Variants in ACTR3 observed in about 807,000 individuals in gnomAD.
ACTR3 encodes the protein actin-related protein 3.
Under a neutral mutation model 56.8 loss-of-function variants are expected in ACTR3, and 12 were observed. The ratio of observed to expected loss-of-function variants is 0.21; its 90% CI spans 0.14 to 0.34. ACTR3 has a LOEUF of 0.34. Among genes scored for constraint, ACTR3 ranks in the 10% least tolerant of loss-of-function variants. The pLI, the probability that ACTR3 is intolerant of heterozygous loss-of-function variation, is 1.00. For missense variants in ACTR3, 282 were observed against 512.5 expected, an observed-to-expected ratio of 0.55 and a Z score of 4.34; for synonymous variants, 162 against 167.4, an observed-to-expected ratio of 0.97 and a Z score of 0.25.
At chr2:113,890,044 G>C, upstream of ACTR3, 1 of 596,166 alleles carries the variant, frequency 1.7e-6, no homozygotes, top group Non-Finnish European at 3.0e-6. Context: ...GAGAGAGGGG[G>C]AGGAGGCCGC....
chr2:113,895,530 C>G (rs1324133671), intron 1 of ACTR3, among the ~76,000 whole-genome samples: 1 of 152,186 alleles, frequency 6.6e-6, no homozygotes, highest in Non-Finnish European at 1.5e-5. Flanking sequence ...AAGGGTTGGA[C>G]TATGAATATT....
intron 10 of ACTR3, chr2:113,952,660 C>T (rs956227408): frequency 6.6e-6 from 1 of 152,008 alleles, no homozygotes; most frequent in Non-Finnish European, 1.5e-5. Context: ...TTGTCAGTGC[C>T]TATATTTTGA....
rs71297189 is a variant in ACTR3 at position 113,912,184 on chromosome 2, AT to A, written c.45-977del. On this transcript the variant is annotated intron_variant, in intron 1 of 11. Transcript: ENST00000263238. ...AGCCACCACGTCAGGCCCCCAGCAG[AT>A]TTTTTTTTTTCATTTTATCTTAGAA... 2.0e-3 allele frequency among the ~76,000 whole-genome samples: 302 copies of A among 148,764 alleles called. 1 individual carries two copies. The highest frequency in any genetic ancestry group is 4.5e-3 in the Admixed American group (67 of 14,872).
intron 8 of ACTR3, among the ~76,000 whole-genome samples, chr2:113,944,833 A>C (rs1176975064): frequency 6.6e-6 from 1 of 152,150 alleles, no homozygotes; most frequent in African/African-American, 2.4e-5. Flanking sequence ...GAGGGTGACT[A>C]GTGAGTACAT....
intron 3 of ACTR3, among the ~76,000 whole-genome samples, chr2:113,926,181 C>A (rs763410540): frequency 2.6e-5 from 4 of 152,140 alleles, no homozygotes; most frequent in Non-Finnish European, 4.4e-5. Flanking sequence ...TGTTTTATAT[C>A]GATGTTATTT....
At chr2:113,895,796 C>G (rs534535710) in intron 1 of ACTR3, among the ~76,000 whole-genome samples, 3 of 152,176 alleles carry the variant, frequency 2.0e-5, no homozygotes, top group Non-Finnish European at 4.4e-5. Context: ...ACTTTATACA[C>G]TTCAACCTCT....
chr2:113,924,006 T>C (rs1679570015), intron 3 of ACTR3, among the ~76,000 whole-genome samples: 1 of 151,898 alleles, frequency 6.6e-6, no homozygotes, highest in Non-Finnish European at 1.5e-5. Context: ...ATCTGGTCCA[T>C]CCTAACTTCA....
intron 1 of ACTR3, among the ~76,000 whole-genome samples, chr2:113,891,076 T>G (rs753141554): frequency 3.7e-4 from 57 of 152,208 alleles, no homozygotes; most frequent in Non-Finnish European, 6.8e-4. Flanking sequence ...GCTTTCAGTC[T>G]TTTATACCCT....
At position 113,958,598 on chromosome 2, in the gene ACTR3, A is replaced by G. The variant is rs558341459; in HGVS notation, c.*1143A>G. 6 of 129,644 alleles carry G rather than the reference A, an allele frequency of 4.6e-5. No homozygotes were observed. The highest frequency in any genetic ancestry group is 2.5e-4 in the African/African-American group (6 of 23,570). 8.0% of individuals were successfully genotyped at this position (129,644 alleles called of 1,614,324 possible). A position where few individuals can be genotyped will look rare whatever the true frequency, so the allele number is the denominator to read the frequency against. ...AAATTAAAACTGAATTACCTTTTCT[A>G]ATGTTTTTTTTTTTTAAGTAATGTA... On this transcript the variant is annotated 3_prime_UTR_variant, in exon 12 of 12. Transcript: ENST00000263238.
chr2:113,928,314 A>G (rs2104606465), intron 4 of ACTR3, among the ~76,000 whole-genome samples: 1 of 152,354 alleles, frequency 6.6e-6, no homozygotes, highest in South Asian at 2.1e-4. Flanking sequence ...TAATTGCTTC[A>G]TGACGTCTAT....
chr2:113,917,003 A>G lies in ACTR3; in HGVS notation c.220A>G (p.Thr74Ala). The change falls in exon 3 of 12, where the codon ACA (threonine) becomes GCA (alanine). Residue 74 changes from threonine to alanine, a missense_variant. Transcript: ENST00000263238. ...AGCAATAGAAAAACCTACATATGCA[A>G]CAAAGGTATGTTTTTATGATTTGTA... ...DEAIEKPTYA[T>A]KWPIRHGIVE... 2 of 1,600,656 alleles carry G rather than the reference A, an allele frequency of 1.2e-6. No homozygotes were observed. Among genetic ancestry groups the G allele is most frequent in the Non-Finnish European group, 1.7e-6 (2 of 1,174,532 alleles).
chr2:113,901,280 C>T (rs778648274), intron 1 of ACTR3, among the ~76,000 whole-genome samples: 10 of 152,212 alleles, frequency 6.6e-5, no homozygotes, highest in Admixed American at 2.0e-4. Flanking sequence ...ATCGCTTGAA[C>T]CTGGGAGGCA....
intron 3 of ACTR3, among the ~76,000 whole-genome samples, chr2:113,920,424 A>G (rs1473439250): frequency 2.0e-5 from 3 of 152,216 alleles, no homozygotes; most frequent in South Asian, 2.1e-4. Context: ...TGATATTTTG[A>G]TATGTACAGT....
At chr2:113,933,462 C>T (rs1028531999) in intron 5 of ACTR3, among the ~76,000 whole-genome samples, 6 of 151,924 alleles carry the variant, frequency 3.9e-5, no homozygotes, top group African/African-American at 7.2e-5. Context: ...GAGCCGAGAT[C>T]GTGCCACTGC....
chr2:113,929,666 T>A (rs1423868263), intron 4 of ACTR3, among the ~76,000 whole-genome samples: 2 of 151,976 alleles, frequency 1.3e-5, no homozygotes, highest in African/African-American at 2.4e-5. Context: ...TATTCAAGAT[T>A]TGGCTTATCA....
At chr2:113,945,835 C>T (rs1480607940) in intron 8 of ACTR3, among the ~76,000 whole-genome samples, 1 of 152,096 alleles carries the variant, frequency 6.6e-6, no homozygotes, top group African/African-American at 2.4e-5. Context: ...TGTTGTTTCC[C>T]TCCGTATGTA....
chr2:113,930,605 C>T (rs1679701854), intron 4 of ACTR3, among the ~76,000 whole-genome samples: 1 of 152,116 alleles, frequency 6.6e-6, no homozygotes, highest in South Asian at 2.1e-4. Flanking sequence ...AAAATTGAAA[C>T]AGTTTAAGTG....
chr2:113,921,410 C>A (rs1213862438), intron 3 of ACTR3, among the ~76,000 whole-genome samples: 1 of 151,290 alleles, frequency 6.6e-6, no homozygotes, highest in Admixed American at 6.6e-5. Flanking sequence ...GGCATTTTGA[C>A]CCATTCCATA....
intron 1 of ACTR3, among the ~76,000 whole-genome samples, chr2:113,909,737 G>C (rs1461412839): frequency 1.3e-5 from 2 of 151,848 alleles, no homozygotes; most frequent in African/African-American, 4.8e-5. Flanking sequence ...TTAGAGCTGG[G>C]TTTATGTAAG....
Sources: allele counts gnomAD v4.1 joint callset (sites outside exome capture counted in the v4.1 genomes callset), GRCh38; gene constraint gnomAD v4.1.1; transcripts MANE v1.5; gene names NCBI Gene and HGNC (gene_info 2026-07-23, HGNC 2026-07-21).